The following NRXN1 variants were observed in gnomAD, a reference collection of about 807,000 sequenced individuals.
NRXN1 encodes the protein neurexin-1.
A neutral mutation model predicts 150.9 loss-of-function variants in NRXN1; 39 were observed. That is an observed-to-expected ratio of 0.26 (90% CI 0.20 to 0.34). The LOEUF is 0.34. Ranked by LOEUF, NRXN1 falls within the 10% of genes least tolerant of loss-of-function variation. NRXN1 has a pLI of 1.00. For missense variants in NRXN1, 1,815 were observed against 1,949.9 expected (o/e 0.93, Z 1.30); for synonymous variants, 924 against 757.0 (o/e 1.22, Z -3.62).
chr2:50,082,365 T>G (rs746040030), intron 19 of NRXN1, among the ~76,000 whole-genome samples: 2 of 152,208 alleles, frequency 1.3e-5, no homozygotes, highest in Non-Finnish European at 2.9e-5. Flanking sequence ...GATAAGAACT[T>G]AAATTGCTAA....
Position 51,004,440 on chromosome 2 carries a change from G to A in NRXN1, c.772+23062C>T, listed in dbSNP as rs192892572. On this transcript the variant is annotated intron_variant, in intron 2 of 22. Transcript: ENST00000401669. ...AGCCTAGCTGAAATTTTATTACACA[G>A]AAAAAAATGAATAATTAAAAAGTTA... 2.6e-5 allele frequency among the ~76,000 whole-genome samples: 4 copies of A among 151,858 alleles called. No individual in the cohort carries two copies. In the East Asian group the frequency reaches 7.8e-4, roughly 30 times the overall value.
At chr2:50,966,331 C>A (rs531554897) in intron 2 of NRXN1, among the ~76,000 whole-genome samples, 27 of 150,274 alleles carry the variant, frequency 1.8e-4, no homozygotes, top group Non-Finnish European at 3.7e-4. Context: ...TTCCCCCAAT[C>A]CCAAAAGAGT....
At chr2:50,881,446 T>C (rs1679415635) in intron 5 of NRXN1, among the ~76,000 whole-genome samples, 1 of 151,956 alleles carries the variant, frequency 6.6e-6, no homozygotes, top group Non-Finnish European at 1.5e-5. Context: ...GTACATGATT[T>C]TGGTTGACAA....
intron 15 of NRXN1, among the ~76,000 whole-genome samples, chr2:50,482,838 AT>A (rs1164212416): frequency 6.6e-6 from 1 of 151,914 alleles, no homozygotes; most frequent in Non-Finnish European, 1.5e-5. Flanking sequence ...GCTCAGGCCT[AT>A]AATCCCAGCA....
At chr2:50,448,133 A>C (rs1292240340) in intron 17 of NRXN1, among the ~76,000 whole-genome samples, 1 of 152,062 alleles carries the variant, frequency 6.6e-6, no homozygotes, top group Non-Finnish European at 1.5e-5. Flanking sequence ...AAAATATAGA[A>C]TGAATGTTCA....
intron 5 of NRXN1, among the ~76,000 whole-genome samples, chr2:50,896,387 G>A (rs1366778449): frequency 6.6e-6 from 1 of 152,250 alleles, no homozygotes; most frequent in East Asian, 1.9e-4. Flanking sequence ...CTGCCCTTGT[G>A]GGGCTTATAC....
intron 12 of NRXN1, among the ~76,000 whole-genome samples, chr2:50,509,229 T>A (rs944815752): frequency 2.0e-5 from 3 of 152,162 alleles, no homozygotes; most frequent in African/African-American, 4.8e-5. Context: ...GTTATGAGAA[T>A]CTTTGGCTAA....
chr2:49,955,988 G>A (rs1172963921), intron 21 of NRXN1, among the ~76,000 whole-genome samples: 1 of 152,076 alleles, frequency 6.6e-6, no homozygotes, highest in Non-Finnish European at 1.5e-5. Context: ...TACTGTGGTG[G>A]CGCATGCAAT....
intron 17 of NRXN1, among the ~76,000 whole-genome samples, chr2:50,277,881 A>T (rs2070766800): frequency 6.6e-6 from 1 of 151,924 alleles, no homozygotes; most frequent in Non-Finnish European, 1.5e-5. Flanking sequence ...CCTTGATCAG[A>T]AATATGTATT....
At chr2:50,170,016 C>A (rs2059930550) in intron 18 of NRXN1, among the ~76,000 whole-genome samples, 1 of 151,692 alleles carries the variant, frequency 6.6e-6, no homozygotes, top group African/African-American at 2.4e-5. Flanking sequence ...TCATGACCCA[C>A]AGAAAAAAAT....
chr2:50,766,206 AG>A (rs1321494737), intron 5 of NRXN1, among the ~76,000 whole-genome samples: 1 of 152,018 alleles, frequency 6.6e-6, no homozygotes. Flanking sequence ...TATCCATCAG[AG>A]GAACAGGAAT....
intron 5 of NRXN1, among the ~76,000 whole-genome samples, chr2:50,678,431 G>C (rs778951908): frequency 1.3e-4 from 20 of 152,106 alleles, no homozygotes; most frequent in Non-Finnish European, 1.5e-4. Context: ...AGCTATAATG[G>C]AAAGTACAAA....
intron 20 of NRXN1, among the ~76,000 whole-genome samples, chr2:50,054,470 T>C (rs771618991): frequency 3.9e-5 from 6 of 152,176 alleles, no homozygotes; most frequent in Non-Finnish European, 5.9e-5. Flanking sequence ...TCTTAGAAGG[T>C]TGCAAATGTT....
chr2:50,788,628 A>C (rs1324086808), intron 5 of NRXN1, among the ~76,000 whole-genome samples: 1 of 151,992 alleles, frequency 6.6e-6, no homozygotes, highest in African/African-American at 2.4e-5. Context: ...AGAGAAAGAG[A>C]GAGACAGAAA....
At chr2:50,308,494 A>G (rs1298799755) in intron 17 of NRXN1, among the ~76,000 whole-genome samples, 2 of 151,548 alleles carry the variant, frequency 1.3e-5, no homozygotes, top group African/African-American at 4.9e-5. Context: ...CTTCCACGTA[A>G]GTTTTTATTT....
intron 2 of NRXN1, among the ~76,000 whole-genome samples, chr2:51,020,599 A>T (rs1396145778): frequency 1.3e-5 from 2 of 152,018 alleles, no homozygotes; most frequent in Non-Finnish European, 2.9e-5. Context: ...TAAGCTTTGA[A>T]AGAGTGTGTA....
At chr2:50,999,110 G>A (rs17041178) in intron 2 of NRXN1, among the ~76,000 whole-genome samples, 2,757 of 152,058 alleles carry the variant, frequency 0.018, 88 homozygotes, top group African/African-American at 0.064. Context: ...TCTCCAGCAT[G>A]CCTGTCCATA....
intron 18 of NRXN1, among the ~76,000 whole-genome samples, chr2:50,222,013 C>A (rs2063932215): frequency 6.6e-6 from 1 of 151,872 alleles, no homozygotes; most frequent in Admixed American, 6.6e-5. Flanking sequence ...GTCCTGGGGA[C>A]TGCAGGATTG....
rs1313280561 is a variant in NRXN1 at position 51,027,694 on chromosome 2, C to T, written c.580G>A (p.Val194Ile). The T allele has an allele frequency of 1.2e-6, 2 of 1,605,636 alleles. No individual in the cohort carries two copies. Among genetic ancestry groups the T allele is most frequent in the Non-Finnish European group, 1.7e-6 (2 of 1,175,918 alleles). ...IRDVRVNSSQVLPVDSGEVKL... is the reference protein window; with the variant it reads ...IRDVRVNSSQILPVDSGEVKL... The stretch of plus-strand genomic sequence containing the variant: ...ACCTCGCCGCTGTCCACGGGCAGGA[C>T]CTGCGAGGAGTTGACCCTCACGTCA... Residue 194 changes from valine to isoleucine, a missense_variant, in exon 2 of 23, where the codon GTC (valine) becomes ATC (isoleucine). Coordinates refer to ENST00000401669, the MANE Select transcript of NRXN1 (RefSeq NM_001330078.2).
Sources: allele counts gnomAD v4.1 joint callset (sites outside exome capture counted in the v4.1 genomes callset), GRCh38; gene constraint gnomAD v4.1.1; transcripts MANE v1.5; gene names NCBI Gene and HGNC (gene_info 2026-07-23, HGNC 2026-07-21).